Variants in SEMA3D observed in about 807,000 individuals in gnomAD.
The protein encoded by SEMA3D is semaphorin 3D.
SEMA3D carries 84 observed loss-of-function variants against 100.1 expected under a neutral mutation model. The observed-to-expected ratio is 0.84, with a 90% CI of 0.70 to 1.01. The LOEUF (loss-of-function observed/expected upper bound fraction) is 1.01. SEMA3D is among the 50% of genes least tolerant of loss of function. The pLI is 0.00. For synonymous variants in SEMA3D, 312 were observed against 320.7 expected (o/e 0.97, Z 0.29); for missense variants, 875 against 934.1 (o/e 0.94, Z 0.82).
At chr7:85,228,314 A>T in the SEMA3D span, among the ~76,000 whole-genome samples, 1 of 152,270 alleles carries the variant, frequency 6.6e-6, no homozygotes, top group African/African-American at 2.4e-5. Flanking sequence ...AAGAAACACA[A>T]CCATTCAGAT....
intron 3 of SEMA3D, among the ~76,000 whole-genome samples, chr7:85,098,884 A>G (rs956791960): frequency 6.6e-6 from 1 of 151,332 alleles, no homozygotes; most frequent in Non-Finnish European, 1.5e-5. Flanking sequence ...TACTGTCTCC[A>G]AAGTTTAGCT....
intron 12 of SEMA3D, among the ~76,000 whole-genome samples, chr7:85,033,858 TAC>T (rs71082183): frequency 0.09 from 12,701 of 140,796 alleles, 638 homozygotes; most frequent in Non-Finnish European, 0.14. Flanking sequence ...ATCACACACA[TAC>T]ACACACACAC....
the SEMA3D span, among the ~76,000 whole-genome samples, chr7:85,216,357 T>G: frequency 6.8e-6 from 1 of 146,152 alleles, no homozygotes; most frequent in Non-Finnish European, 1.5e-5. Flanking sequence ...AATAAGAGTG[T>G]TGTGTGTGTG....
chr7:85,018,248 G>A lies in SEMA3D; in HGVS notation c.1545+4C>T, dbSNP rs1304121631. ...TTAACTTTCATACAAAAGTTAAAAA[G>A]TACCTGCTTCAGAGACAATTCCATG... On this transcript the variant is annotated splice_donor_region_variant and intron_variant, in intron 15 of 18. Coordinates refer to ENST00000284136, the MANE Select transcript of SEMA3D (RefSeq NM_001384900.1). 1 of 1,580,390 alleles carries A rather than the reference G, an allele frequency of 6.3e-7. No individual in the cohort carries two copies. Among genetic ancestry groups the A allele is most frequent in the Non-Finnish European group, 8.7e-7 (1 of 1,151,086 alleles).
At chr7:85,086,379 A>G (rs568077317) in intron 4 of SEMA3D, among the ~76,000 whole-genome samples, 2 of 152,228 alleles carry the variant, frequency 1.3e-5, no homozygotes, top group South Asian at 2.1e-4. Flanking sequence ...TAAAGAATTT[A>G]AAGAGACAGA....
chr7:85,076,699 T>C (rs1791932165), intron 5 of SEMA3D, among the ~76,000 whole-genome samples: 1 of 152,208 alleles, frequency 6.6e-6, no homozygotes, highest in Non-Finnish European at 1.5e-5. Flanking sequence ...TCATCAAACA[T>C]TTTTTGACTT....
intron 4 of SEMA3D, among the ~76,000 whole-genome samples, chr7:85,085,837 C>T (rs2116256239): frequency 6.6e-6 from 1 of 152,296 alleles, no homozygotes. Context: ...CACATATATT[C>T]TCTTTGTAAA....
intron 11 of SEMA3D, among the ~76,000 whole-genome samples, chr7:85,039,969 CTTTTTTTTTTTTT>C (rs776990536): frequency 1.1e-5 from 1 of 90,628 alleles, no homozygotes. Flanking sequence ...TACGCAAACA[CTTTTTTTTTTTTT>C]TTTTTTTTTT....
chr7:85,154,286 T>A (rs1029215510), intron 1 of SEMA3D, among the ~76,000 whole-genome samples: 2 of 152,114 alleles, frequency 1.3e-5, no homozygotes, highest in African/African-American at 4.8e-5. Flanking sequence ...CATACATTTG[T>A]CAAAGCTCAG....
At position 84,999,611 on chromosome 7, in the gene SEMA3D, G is replaced by T. The variant is rs1789598502; in HGVS notation, c.2163C>A (p.Ser721Arg). ...LRYKDYIQILSSPNFSLDQYC... is the reference protein window; with the variant it reads ...LRYKDYIQILRSPNFSLDQYC... ...ACTGGTCGAGGCTGAAGTTTGGGCT[G>T]CTAAGGATTTGGATGTAGTCTTTGT... The change falls in exon 19 of 19, where the codon AGC (serine) becomes AGA (arginine). Residue 721 changes from serine (S) to arginine (R), a missense_variant. By Grantham distance (110) the Ser-to-Arg change is moderately radical. Transcript: ENST00000284136. 1 of 1,614,094 alleles carries T rather than the reference G, an allele frequency of 6.2e-7. No individual in the cohort carries two copies. Among genetic ancestry groups the T allele is most frequent in the Non-Finnish European group, 8.5e-7 (1 of 1,180,014 alleles).
intron 15 of SEMA3D, among the ~76,000 whole-genome samples, chr7:85,018,028 C>A (rs184878521): frequency 2.0e-5 from 3 of 151,576 alleles, no homozygotes; most frequent in Non-Finnish European, 3.0e-5. Context: ...TTTTTAAGAT[C>A]CAAAGGAAGG....
At chr7:85,072,181 A>C (rs1324325605) in intron 6 of SEMA3D, among the ~76,000 whole-genome samples, 1 of 152,216 alleles carries the variant, frequency 6.6e-6, no homozygotes, top group African/African-American at 2.4e-5. Flanking sequence ...ACTGGTAAAT[A>C]ATTTAATTGC....
intron 4 of SEMA3D, among the ~76,000 whole-genome samples, chr7:85,094,568 G>A (rs1333744089): frequency 6.6e-6 from 1 of 151,868 alleles, no homozygotes; most frequent in Non-Finnish European, 1.5e-5. Flanking sequence ...ACTCACTTAT[G>A]AGCTAATCTT....
intron 6 of SEMA3D, 52 bp from the exon 7 acceptor site, chr7:85,068,336 G>A (rs970190788): frequency 2.1e-6 from 2 of 959,808 alleles, no homozygotes; most frequent in African/African-American, 3.2e-5. Flanking sequence ...ATTACAAACA[G>A]TAAGAATGTG....
intron 2 of SEMA3D, among the ~76,000 whole-genome samples, chr7:85,151,219 T>C (rs531859345): frequency 2.2e-4 from 34 of 151,976 alleles, no homozygotes; most frequent in Admixed American, 7.2e-4. Context: ...TAAACCTGAA[T>C]AGAGAAAGTG....
intron 17 of SEMA3D, among the ~76,000 whole-genome samples, chr7:85,012,082 C>T (rs1789970379): frequency 6.6e-6 from 1 of 151,634 alleles, no homozygotes; most frequent in Non-Finnish European, 1.5e-5. Flanking sequence ...GACTCACTCA[C>T]CAGGCCTCCT....
At chr7:85,242,429 A>G in the SEMA3D span, among the ~76,000 whole-genome samples, 1 of 152,120 alleles carries the variant, frequency 6.6e-6, no homozygotes, top group Non-Finnish European at 1.5e-5. Context: ...TTATTGACCT[A>G]TATGCTCTGT....
chr7:85,079,309 A>G (rs1461441586), intron 5 of SEMA3D, among the ~76,000 whole-genome samples: 1 of 152,228 alleles, frequency 6.6e-6, no homozygotes, highest in Admixed American at 6.5e-5. Context: ...AAAATGAAAC[A>G]TTATTTTAAA....
chr7:85,078,654 G>A (rs976441847), intron 5 of SEMA3D, among the ~76,000 whole-genome samples: 23 of 152,138 alleles, frequency 1.5e-4, no homozygotes, highest in African/African-American at 5.5e-4. Flanking sequence ...ATTAAACTGG[G>A]GACTATGTTC....
Sources: allele counts gnomAD v4.1 joint callset (sites outside exome capture counted in the v4.1 genomes callset), GRCh38; gene constraint gnomAD v4.1.1; transcripts MANE v1.5; gene names NCBI Gene and HGNC (gene_info 2026-07-23, HGNC 2026-07-21).